The following PPP2CB variants were observed in gnomAD, a reference collection of about 807,000 sequenced individuals.
PPP2CB encodes the protein protein phosphatase 2 catalytic subunit beta.
Under a neutral mutation model 39.1 loss-of-function variants are expected in PPP2CB, and 18 were observed. The ratio of observed to expected loss-of-function variants is 0.46; its 90% CI spans 0.32 to 0.68. PPP2CB has a LOEUF of 0.68. Among genes scored for constraint, PPP2CB ranks in the 30% least tolerant of loss-of-function variants. The probability of loss-of-function intolerance (pLI) is 0.04; values close to 1 mark genes in which losing one functional copy is unlikely to be tolerated. For synonymous variants in PPP2CB, 129 were observed against 133.8 expected (o/e 0.96, Z 0.25); for missense variants, 226 against 396.9 (o/e 0.57, Z 3.66).
intron 1 of PPP2CB, among the ~76,000 whole-genome samples, chr8:30,804,056 C>T (rs1327380057): frequency 6.6e-6 from 1 of 152,114 alleles, no homozygotes; most frequent in Non-Finnish European, 1.5e-5. Context: ...CCCCTGACCT[C>T]GTGATCCGCC....
At chr8:30,804,917 C>A (rs78395513) in intron 1 of PPP2CB, among the ~76,000 whole-genome samples, 3,066 of 152,146 alleles carry the variant, frequency 0.02, 119 homozygotes, top group African/African-American at 0.071. Flanking sequence ...CTCTTGAATT[C>A]AAGCCCATCA....
rs1806414113 is a variant in PPP2CB at position 30,790,609 on chromosome 8, A to G, written c.857+588T>C. ...CTGGTTTATAAGCAGGTGCTGGGGT[A>G]ACAGCATTGGGAAACCCAGCATTCT... On this transcript the variant is annotated intron_variant, in intron 6 of 6. Coordinates refer to ENST00000221138, the MANE Select transcript of PPP2CB (RefSeq NM_001009552.2). 5.3e-5 allele frequency among the ~76,000 whole-genome samples: 8 copies of G among 152,286 alleles called. No individual in the cohort carries two copies. The South Asian group carries it at 1.5e-3, about 28-fold the overall frequency.
At chr8:30,802,375 G>C (rs1452627477) in intron 1 of PPP2CB, among the ~76,000 whole-genome samples, 2 of 152,186 alleles carry the variant, frequency 1.3e-5, no homozygotes, top group African/African-American at 4.8e-5. Flanking sequence ...GAACATGGCT[G>C]AGGAGATTAT....
At chr8:30,797,874 T>A in intron 2 of PPP2CB, 120 bp from the exon 3 acceptor site, 1 of 936,646 alleles carries the variant, frequency 1.1e-6, no homozygotes, top group Non-Finnish European at 1.6e-6. Flanking sequence ...TATTAAATGT[T>A]AATTTCAGTT....
At chr8:30,798,133 C>A (rs1462201658) in intron 2 of PPP2CB, among the ~76,000 whole-genome samples, 1 of 152,182 alleles carries the variant, frequency 6.6e-6, no homozygotes, top group Non-Finnish European at 1.5e-5. Flanking sequence ...GTGAAAATCA[C>A]AGGTTTGAAG....
intron 3 of PPP2CB, among the ~76,000 whole-genome samples, chr8:30,797,077 G>A (rs1331764277): frequency 6.6e-6 from 1 of 151,850 alleles, no homozygotes; most frequent in Non-Finnish European, 1.5e-5. Context: ...TTGAACCCCT[G>A]AACTCAAGCG....
At chr8:30,807,469 A>T (rs907940344) in intron 1 of PPP2CB, among the ~76,000 whole-genome samples, 2 of 152,254 alleles carry the variant, frequency 1.3e-5, no homozygotes, top group Non-Finnish European at 2.9e-5. Context: ...TAACGCCAGG[A>T]CTTAGAAACA....
At chr8:30,796,237 GA>G (rs1254226227) in intron 3 of PPP2CB, among the ~76,000 whole-genome samples, 1 of 152,092 alleles carries the variant, frequency 6.6e-6, no homozygotes, top group East Asian at 1.9e-4. Context: ...TCATGGCTGA[GA>G]AAAAAGACTG....
In PPP2CB at chr8:30,786,155, T is replaced by A; in HGVS notation, c.*80A>T. 2 of 1,217,488 alleles carry A rather than the reference T, an allele frequency of 1.6e-6. No individual in the cohort carries two copies. The highest frequency in any genetic ancestry group is 1.4e-5 in the South Asian group (1 of 71,112). The allele number at this position is 1,217,488 out of a possible 1,614,324, so 75.4% of individuals were successfully genotyped here. On this transcript the variant is annotated 3_prime_UTR_variant, in exon 7 of 7. Coordinates refer to ENST00000221138, the MANE Select transcript of PPP2CB (RefSeq NM_001009552.2). ...TGTTACAGAAACACATAGATTACTGTTGCTTTTTGTTTTTAAATACATATA... is the reference window on the plus strand; with the variant it reads ...TGTTACAGAAACACATAGATTACTGATGCTTTTTGTTTTTAAATACATATA...
intron 6 of PPP2CB, chr8:30,786,529 T>C: frequency 3.0e-6 from 1 of 329,084 alleles, no homozygotes; most frequent in Non-Finnish European, 5.3e-6. Context: ...GAATGTCTGG[T>C]TTGGTGCCTG....
At chr8:30,788,772 T>G (rs1183874667) in intron 6 of PPP2CB, among the ~76,000 whole-genome samples, 2 of 152,254 alleles carry the variant, frequency 1.3e-5, no homozygotes, top group Non-Finnish European at 2.9e-5. Flanking sequence ...CTTCATCTCC[T>G]GCCTAGTTGT....
Position 30,812,447 on chromosome 8 carries a change from C to T in PPP2CB, c.-26G>A, listed in dbSNP as rs1441191014. On this transcript the variant is annotated 5_prime_UTR_variant, in exon 1 of 7. Coordinates refer to ENST00000221138, the MANE Select transcript of PPP2CB (RefSeq NM_001009552.2). ...GGCGGCCCGATCCCGATGCGGATCC[C>T]GAGCCCCAGCCCGGCCGCCGCCCTC... is the stretch of plus-strand genomic sequence containing the variant. 12 of 1,483,138 alleles carry T rather than the reference C, an allele frequency of 8.1e-6. No individual in the cohort carries two copies. Among genetic ancestry groups the T allele is most frequent in the Non-Finnish European group, 1.1e-5 (12 of 1,111,124 alleles). The allele number at this position is 1,483,138 out of a possible 1,614,324, so 91.9% of individuals were successfully genotyped here. A position where few individuals can be genotyped will look rare whatever the true frequency, so the allele number is the denominator to read the frequency against.
chr8:30,812,601 C>A lies in PPP2CB; in HGVS notation c.-180G>T. The A allele has an allele frequency of 2.8e-6, 1 of 351,918 alleles. No individual in the cohort carries two copies. The highest frequency in any genetic ancestry group is 5.0e-6 in the Non-Finnish European group (1 of 201,804). The allele number at this position is 351,918 out of a possible 1,614,324, so 21.8% of individuals were successfully genotyped here. A position where few individuals can be genotyped will look rare whatever the true frequency, so the allele number is the denominator to read the frequency against. On this transcript the variant is annotated 5_prime_UTR_variant, in exon 1 of 7. Transcript: ENST00000221138. ...CCGCGGGCCCCGCGCCCCGCCCAAG[C>A]CCAGCAGGCGGCTCCGAGCGCGCAG...
rs562532221 is a variant in PPP2CB at position 30,797,018 on chromosome 8, A to ATT, written c.486+561_486+562dup. 7.3e-4 allele frequency among the ~76,000 whole-genome samples: 107 copies of ATT among 147,212 alleles called. 1 individual carries two copies. Among genetic ancestry groups the ATT allele is most frequent in the African/African-American group, 2.4e-3 (98 of 40,360 alleles). Reference sequence around the variant, plus strand: ...GCCACTATGCCTAGCTAATTTTTAAATTTTTTTTTTTGTAGAGACAGGGTC... The same window carrying ATT: ...GCCACTATGCCTAGCTAATTTTTAAATTTTTTTTTTTTTGTAGAGACAGGGTC... On this transcript the variant is annotated intron_variant, in intron 3 of 6. Coordinates refer to ENST00000221138, the MANE Select transcript of PPP2CB (RefSeq NM_001009552.2).
intron 6 of PPP2CB, among the ~76,000 whole-genome samples, chr8:30,788,509 C>G (rs1586119765): frequency 6.6e-6 from 1 of 152,202 alleles, no homozygotes. Context: ...TTTGGCTTCC[C>G]AAAGTGTTGG....
chr8:30,799,513 C>T (rs776939894), intron 2 of PPP2CB, 33 bp downstream of exon 2: 7 of 1,573,624 alleles, frequency 4.4e-6, no homozygotes. Context: ...TGGTTTAAAT[C>T]TTGAAAAAAA....
Position 30,791,335 on chromosome 8 carries a change from T to G in PPP2CB, c.739-20A>C. 1.4e-6 allele frequency: 2 copies of G among 1,467,598 alleles called. No individual in the cohort carries two copies. Among genetic ancestry groups the G allele is most frequent in the Non-Finnish European group, 1.9e-6 (2 of 1,060,126 alleles). 90.9% of individuals were successfully genotyped at this position (1,467,598 alleles called of 1,614,324 possible). ...GTATCCCTGCAGGATAAAAACAAAT[T>G]CATTATTTCATTATAATATTATGAT... On this transcript the variant is annotated intron_variant, in intron 5 of 6. Transcript: ENST00000221138.
intron 1 of PPP2CB, among the ~76,000 whole-genome samples, chr8:30,807,567 A>G (rs1438512061): frequency 3.3e-5 from 5 of 152,236 alleles, no homozygotes; most frequent in Non-Finnish European, 5.9e-5. Flanking sequence ...TAATCATCAG[A>G]ATAAAGATCT....
intron 3 of PPP2CB, 143 bp downstream of exon 3, chr8:30,797,438 A>G (rs889479490): frequency 1.2e-4 from 98 of 803,436 alleles, no homozygotes; most frequent in Non-Finnish European, 1.7e-4. Flanking sequence ...CCCTGCTTTG[A>G]AATTTTAAGT....
Sources: gnomAD v4.1 joint callset for allele counts (sites outside exome capture counted in the v4.1 genomes callset) on GRCh38, gnomAD v4.1.1 for gene constraint, MANE v1.5 for transcripts, NCBI Gene and HGNC (gene_info 2026-07-23, HGNC 2026-07-21) for gene names.